Variants in AGBL1 observed in about 807,000 individuals in gnomAD.
AGBL1 encodes the protein AGBL carboxypeptidase 1, also known as cytosolic carboxypeptidase 4.
A neutral mutation model predicts 118.9 loss-of-function variants in AGBL1; 130 were observed. The ratio of observed to expected loss-of-function variants is 1.09; its 90% CI spans 0.95 to 1.26. AGBL1 has a LOEUF of 1.26. Among genes scored for constraint, AGBL1 ranks in the 50% most tolerant of loss-of-function variants. The pLI, the probability that AGBL1 is intolerant of heterozygous loss-of-function variation, is 0.00. For synonymous variants in AGBL1, 555 were observed against 478.9 expected (o/e 1.16, Z -2.08); for missense variants, 1,584 against 1,298.1 (o/e 1.22, Z -3.38).
chr15:86,745,226 T>TA (rs1443378162), intron 22 of AGBL1, among the ~76,000 whole-genome samples: 1 of 152,058 alleles, frequency 6.6e-6, no homozygotes, highest in Non-Finnish European at 1.5e-5. Context: ...GCTGAGGTCT[T>TA]AGTATGTGAT....
chr15:86,245,650 CGG>C (rs2078708534), intron 6 of AGBL1, among the ~76,000 whole-genome samples: 1 of 152,166 alleles, frequency 6.6e-6, no homozygotes, highest in Non-Finnish European at 1.5e-5. Flanking sequence ...CCGTAAAATA[CGG>C]TTTTATGGGC....
rs1210444915 is a variant in AGBL1, at chr15:86,911,740, C to T, written c.*4446C>T. On this transcript the variant is annotated 3_prime_UTR_variant, in exon 23 of 23. Transcript: ENST00000614907. ...CTGCCTCTGATAAGAATCTCCCATT[C>T]TCTCATTTGGGAATATCAAAACTCA... The T allele has an allele frequency of 6.6e-6, 1 of 152,126 alleles. No homozygotes were observed. Among genetic ancestry groups the T allele is most frequent in the Non-Finnish European group, 1.5e-5 (1 of 68,040 alleles). The allele number at this position is 152,126 out of a possible 1,614,324, so 9.4% of individuals were successfully genotyped here. A position where few individuals can be genotyped will look rare whatever the true frequency, so the allele number is the denominator to read the frequency against.
intron 18 of AGBL1, among the ~76,000 whole-genome samples, chr15:86,437,776 T>C (rs2082016275): frequency 6.6e-6 from 1 of 152,198 alleles, no homozygotes; most frequent in South Asian, 2.1e-4. Context: ...GTTTCTATCA[T>C]GAGTGGCGTG....
chr15:86,631,872 C>T lies in AGBL1; in HGVS notation c.2995-42401C>T, dbSNP rs141684105. Among the ~76,000 whole-genome samples the T allele has an allele frequency of 2.0e-4, 30 of 152,264 alleles. No homozygotes were observed. The East Asian group carries it at 3.5e-3, about 18-fold the overall frequency. On this transcript the variant is annotated intron_variant, in intron 21 of 22. Transcript: ENST00000614907. The stretch of plus-strand genomic sequence containing the variant: ...TCTTCCCTCTGTTCTCATTGGGTTC[C>T]CTGCTTCGTACTAGTTTTAAAAGTT...
At chr15:86,819,190 C>T (rs1054196364) in intron 22 of AGBL1, among the ~76,000 whole-genome samples, 1 of 151,930 alleles carries the variant, frequency 6.6e-6, no homozygotes. Context: ...GAAAAGGGCA[C>T]CATGATGCTG....
In AGBL1 at chr15:86,196,026, T is replaced by A. The variant is rs183859370; in HGVS notation, c.489-28888T>A. 2.0e-5 allele frequency among the ~76,000 whole-genome samples: 3 copies of A among 152,324 alleles called. No individual in the cohort carries two copies. The East Asian group carries it at 5.8e-4, about 29-fold the overall frequency. ...GCTTCAGTTCAAATGCCATAAGACA[T>A]TTTTTAAAAACCATAGGATATCTGA... On this transcript the variant is annotated intron_variant, in intron 5 of 22. Transcript: ENST00000614907.
intron 17 of AGBL1, among the ~76,000 whole-genome samples, chr15:86,342,615 A>T (rs1211038604): frequency 1.3e-5 from 2 of 152,222 alleles, no homozygotes; most frequent in African/African-American, 2.4e-5. Flanking sequence ...GGACAGGATG[A>T]TGAATACCTT....
At chr15:86,945,317 G>C (rs1490026012) in intron 23 of AGBL1, among the ~76,000 whole-genome samples, 1 of 147,460 alleles carries the variant, frequency 6.8e-6, no homozygotes, top group East Asian at 2.0e-4. Context: ...GATATGTAAA[G>C]ATAGAGAAAA....
intron 17 of AGBL1, among the ~76,000 whole-genome samples, chr15:86,367,041 G>A (rs2080898027): frequency 6.6e-6 from 1 of 152,164 alleles, no homozygotes; most frequent in African/African-American, 2.4e-5. Context: ...GTGTCTGCAT[G>A]TGTGAATATG....
chr15:86,587,193 A>G lies in AGBL1; in HGVS notation c.2994+32656A>G, dbSNP rs28417380. Among the ~76,000 whole-genome samples the G allele has an allele frequency of 2.3e-3, 345 of 152,234 alleles. 4 individuals are homozygous for G. The highest frequency in any genetic ancestry group is 8.1e-3 in the African/African-American group (337 of 41,536). On this transcript the variant is annotated intron_variant, in intron 21 of 22. Transcript: ENST00000614907. ...CAGGCATTGTTTTTATCTTCCTTCT[A>G]CAGATGAGGAAACTGAGGCACGGAC...
At chr15:86,409,015 A>G (rs79727831) in intron 18 of AGBL1, among the ~76,000 whole-genome samples, 10,048 of 152,262 alleles carry the variant, frequency 0.066, 372 homozygotes, top group East Asian at 0.15. Context: ...AACTTTATAA[A>G]ATGAAAGACA....
At chr15:86,997,028 T>G (rs1291567860) in intron 24 of AGBL1, among the ~76,000 whole-genome samples, 1 of 151,922 alleles carries the variant, frequency 6.6e-6, no homozygotes, top group Non-Finnish European at 1.5e-5. Context: ...AAACAAAAAA[T>G]AAGAAGAAAG....
intron 5 of AGBL1, among the ~76,000 whole-genome samples, chr15:86,223,548 A>G (rs1326290679): frequency 6.6e-6 from 1 of 152,204 alleles, no homozygotes; most frequent in Non-Finnish European, 1.5e-5. Flanking sequence ...GTGGGATTCA[A>G]CAACAGTGGG....
intron 18 of AGBL1, among the ~76,000 whole-genome samples, chr15:86,516,626 C>A (rs1471071694): frequency 2.1e-4 from 32 of 152,022 alleles, no homozygotes; most frequent in Non-Finnish European, 7.4e-5. Flanking sequence ...ATGGCGAAAC[C>A]CTGTCTCTAC....
chr15:86,249,619 C>G (rs969558456), intron 7 of AGBL1, among the ~76,000 whole-genome samples: 1 of 152,138 alleles, frequency 6.6e-6, no homozygotes, highest in African/African-American at 2.4e-5. Context: ...TCTCTAATCC[C>G]TCCCAGTCCT....
At chr15:86,131,002 A>G (rs187466655) in intron 1 of AGBL1, among the ~76,000 whole-genome samples, 74 of 152,296 alleles carry the variant, frequency 4.9e-4, no homozygotes, top group African/African-American at 1.7e-3. Flanking sequence ...AATTGATCCC[A>G]GTTCAGCTGA....
chr15:86,475,796 A>G (rs1055278129), intron 18 of AGBL1, among the ~76,000 whole-genome samples: 1 of 152,216 alleles, frequency 6.6e-6, no homozygotes, highest in Non-Finnish European at 1.5e-5. Context: ...GTTGAAATGA[A>G]GGAAAAAATG....
chr15:86,466,452 T>A (rs1356339021), intron 18 of AGBL1, among the ~76,000 whole-genome samples: 2 of 152,206 alleles, frequency 1.3e-5, no homozygotes, highest in Non-Finnish European at 2.9e-5. Flanking sequence ...TCCTTTAGGT[T>A]GGAGGAGTTT....
intron 18 of AGBL1, among the ~76,000 whole-genome samples, chr15:86,478,583 G>A (rs2082597523): frequency 6.6e-6 from 1 of 151,938 alleles, no homozygotes; most frequent in African/African-American, 2.4e-5. Flanking sequence ...AAATAAAAGA[G>A]GACACAAACA....
Sources: gnomAD v4.1 joint callset for allele counts (sites outside exome capture counted in the v4.1 genomes callset) on GRCh38, gnomAD v4.1.1 for gene constraint, MANE v1.5 for transcripts, NCBI Gene and HGNC (gene_info 2026-07-23, HGNC 2026-07-21) for gene names.